Variants in ADAMTS2 observed in about 807,000 individuals in gnomAD.
ADAMTS2 encodes ADAM metallopeptidase with thrombospondin type 1 motif 2, also known as A disintegrin and metalloproteinase with thrombospondin motifs 2.
In ADAMTS2, 50 loss-of-function variants were observed where a neutral mutation model predicts 123.0. That is an observed-to-expected ratio of 0.41 (90% CI 0.32 to 0.51). ADAMTS2 has a LOEUF of 0.51. Among genes scored for constraint, ADAMTS2 ranks in the 20% least tolerant of loss-of-function variants. The pLI, the probability that ADAMTS2 is intolerant of heterozygous loss-of-function variation, is 0.35. For synonymous variants in ADAMTS2, 678 were observed against 695.4 expected, an observed-to-expected ratio of 0.98 and a Z score of 0.39; for missense variants, 1,494 against 1,705.2, an observed-to-expected ratio of 0.88 and a Z score of 2.18.
chr5:179,269,569 C>A (rs1207340668), intron 3 of ADAMTS2, among the ~76,000 whole-genome samples: 1 of 152,152 alleles, frequency 6.6e-6, no homozygotes, highest in African/African-American at 2.4e-5. Context: ...ATGATTCAAT[C>A]ATCTCTCACT....
chr5:179,178,381 G>C (rs1763976674), intron 5 of ADAMTS2, among the ~76,000 whole-genome samples: 1 of 152,206 alleles, frequency 6.6e-6, no homozygotes, highest in Admixed American at 6.5e-5. Context: ...GGGATAGAGG[G>C]CTCAGCGAGC....
intron 21 of ADAMTS2, among the ~76,000 whole-genome samples, chr5:179,116,124 G>A (rs368901894): frequency 1.8e-4 from 27 of 152,112 alleles, no homozygotes; most frequent in African/African-American, 5.1e-4. Context: ...GTTCCTCCCC[G>A]TCTCCCACCT....
intron 13 of ADAMTS2, among the ~76,000 whole-genome samples, chr5:179,133,622 C>T (rs947163877): frequency 6.6e-5 from 10 of 151,970 alleles, no homozygotes; most frequent in African/African-American, 2.4e-4. Flanking sequence ...ATTTTTTGAC[C>T]CAGTATTAGG....
In ADAMTS2 at chr5:179,207,290, T is replaced by A. The variant is rs79731813; in HGVS notation, c.891+223A>T. ...TAGCCTGTGAAGAGCCTCACCAAGT[T>A]ACCATCACCCACGATGTGCAGACGA... On this transcript the variant is annotated intron_variant, in intron 4 of 21. Coordinates refer to ENST00000251582, the MANE Select transcript of ADAMTS2 (RefSeq NM_014244.5). Among the ~76,000 whole-genome samples, 12 of 152,306 alleles carry A rather than the reference T, an allele frequency of 7.9e-5. 1 individual carries two copies. The East Asian group carries it at 2.1e-3, about 27-fold the overall frequency.
intron 11 of ADAMTS2, among the ~76,000 whole-genome samples, chr5:179,139,189 C>A (rs564775060): frequency 1.3e-5 from 2 of 152,082 alleles, no homozygotes; most frequent in Admixed American, 6.5e-5. Context: ...GCCAGCCCCC[C>A]CGGGACACTC....
intron 2 of ADAMTS2, among the ~76,000 whole-genome samples, chr5:179,298,045 C>G (rs1293917807): frequency 2.0e-5 from 3 of 152,136 alleles, no homozygotes; most frequent in Non-Finnish European, 4.4e-5. Context: ...CTCTCTCTGG[C>G]CGCCCCCAGC....
chr5:179,282,036 GA>G (rs754400867), intron 2 of ADAMTS2, among the ~76,000 whole-genome samples: 1 of 152,020 alleles, frequency 6.6e-6, no homozygotes, highest in Non-Finnish European at 1.5e-5. Flanking sequence ...ATATATTCTA[GA>G]CACAAATCCC....
chr5:179,155,865 T>C lies in ADAMTS2; in HGVS notation c.1133-946A>G, dbSNP rs1763458825. ...CCTGCCATGCCCCACTGAGAGACCCTGAGGCCACGCGTTCCACAGAGAAGG... is the reference window on the plus strand; with the variant it reads ...CCTGCCATGCCCCACTGAGAGACCCCGAGGCCACGCGTTCCACAGAGAAGG... On this transcript the variant is annotated intron_variant, in intron 6 of 21. Transcript: ENST00000251582. This position sits in a 1 kb window ranked among gnomAD's most constrained non-coding sequence, Gnocchi z 5.1. 6.6e-6 allele frequency among the ~76,000 whole-genome samples: 1 copy of C among 152,040 alleles called. No individual in the cohort carries two copies. Among genetic ancestry groups the C allele is most frequent in the Non-Finnish European group, 1.5e-5 (1 of 67,996 alleles).
Position 179,128,228 on chromosome 5 carries a change from G to T in ADAMTS2, c.2458-110C>A. On this transcript the variant is annotated intron_variant, in intron 16 of 21. Coordinates refer to ENST00000251582, the MANE Select transcript of ADAMTS2 (RefSeq NM_014244.5). This position sits in a 1 kb window ranked among gnomAD's most constrained non-coding sequence, Gnocchi z 4.9. Reference sequence around the variant, plus strand: ...ACTCCAGAGGAGTCTCATCATTCATGGCAGTTACATTCCATGAAGTCGCCC... The same window carrying T: ...ACTCCAGAGGAGTCTCATCATTCATTGCAGTTACATTCCATGAAGTCGCCC... The T allele has an allele frequency of 7.3e-7, 1 of 1,373,302 alleles. No homozygotes were observed. The allele number at this position is 1,373,302 out of a possible 1,614,324, so 85.1% of individuals were successfully genotyped here.
At position 179,136,038 on chromosome 5, in the gene ADAMTS2, C is replaced by T. The variant is rs368354498; in HGVS notation, c.1956G>A (p.Lys652=). ...HWLPHEHRDA[K]ERCHLYCESR... ...ACTCGCAGTACAGGTGGCATCTCTC[C>T]TTGGCTGGAAGGGAAGCAGCTGGGG... Residue 652 remains lysine, a synonymous_variant, in exon 13 of 22, where the codon AAG becomes AAA. Coordinates refer to ENST00000251582, the MANE Select transcript of ADAMTS2 (RefSeq NM_014244.5). 8.7e-6 allele frequency: 14 copies of T among 1,613,268 alleles called. No individual in the cohort carries two copies. The highest frequency in any genetic ancestry group is 1.2e-5 in the Non-Finnish European group (14 of 1,180,026).
Position 179,170,010 on chromosome 5 carries a change from A to C in ADAMTS2, c.975+11062T>G, listed in dbSNP as rs1763783119. ...GAGTAGCTTTGGTACCTTCTCAAAA[A>C]ATCAATTGAAAAGCCAGTTGCTATG... is the stretch of plus-strand genomic sequence containing the variant. On this transcript the variant is annotated intron_variant, in intron 5 of 21. Coordinates refer to ENST00000251582, the MANE Select transcript of ADAMTS2 (RefSeq NM_014244.5). The surrounding 1 kb of genome is among the most constrained non-coding windows in gnomAD (Gnocchi z 4.3). Among the ~76,000 whole-genome samples the C allele has an allele frequency of 6.6e-6, 1 of 152,220 alleles. No homozygotes were observed. Among genetic ancestry groups the C allele is most frequent in the Non-Finnish European group, 1.5e-5 (1 of 68,040 alleles).
At chr5:179,199,891 T>C (rs537516692) in intron 4 of ADAMTS2, among the ~76,000 whole-genome samples, 60 of 152,294 alleles carry the variant, frequency 3.9e-4, no homozygotes, top group Non-Finnish European at 7.8e-4. Flanking sequence ...GAATAAGAAA[T>C]TCATGCTAAT....
intron 3 of ADAMTS2, among the ~76,000 whole-genome samples, chr5:179,255,837 C>T (rs1293550028): frequency 6.6e-6 from 1 of 152,234 alleles, no homozygotes; most frequent in Non-Finnish European, 1.5e-5. Context: ...GGATCAGGGG[C>T]TCTGCAGCAG....
In ADAMTS2 at chr5:179,135,892, G is replaced by T; in HGVS notation, c.2085+17C>A. ...ACTTGACACGGTAGCCCCCCGTGCCGGCCTCTGTGTACTCACCCTGCAGTC... is the reference window on the plus strand; with the variant it reads ...ACTTGACACGGTAGCCCCCCGTGCCTGCCTCTGTGTACTCACCCTGCAGTC... On this transcript the variant is annotated intron_variant, in intron 13 of 21. Transcript: ENST00000251582. The T allele has an allele frequency of 1.5e-5, 24 of 1,612,750 alleles. No homozygotes were observed. Among genetic ancestry groups the T allele is most frequent in the Non-Finnish European group, 2.0e-5 (24 of 1,179,970 alleles).
At position 179,181,335 on chromosome 5, in the gene ADAMTS2, G is replaced by A. The variant is rs1046466391; in HGVS notation, c.892-180C>T. On this transcript the variant is annotated intron_variant, in intron 4 of 21. Transcript: ENST00000251582. The surrounding 1 kb of genome is among the most constrained non-coding windows in gnomAD (Gnocchi z 4.1). ...TTGCCCCCTGCCCTCTGCCTCTCCA[G>A]GCTGCCACCACCACCTGCTGGGATC... 6.6e-6 allele frequency among the ~76,000 whole-genome samples: 1 copy of A among 152,070 alleles called. No individual in the cohort carries two copies. The highest frequency in any genetic ancestry group is 1.5e-5 in the Non-Finnish European group (1 of 68,008).
chr5:179,279,432 T>TC (rs555888695), intron 2 of ADAMTS2, among the ~76,000 whole-genome samples: 11 of 152,222 alleles, frequency 7.2e-5, no homozygotes, highest in Non-Finnish European at 1.5e-4. Context: ...AGATTCTTTC[T>TC]CCCCATCTTC....
rs766939294 is a variant in ADAMTS2, at chr5:179,125,014, C to T, written c.2917G>A (p.Glu973Lys). 8 of 1,606,818 alleles carry T rather than the reference C, an allele frequency of 5.0e-6. No individual in the cohort carries two copies. Among genetic ancestry groups the T allele is most frequent in the East Asian group, 4.5e-5 (2 of 44,344 alleles). Residue 973 changes from glutamate (E) to lysine (K), a missense_variant, in exon 19 of 22, where the codon GAG (glutamate) becomes AAG (lysine). By Grantham distance (56) the Glu-to-Lys change is moderately conservative (BLOSUM62 1). Transcript: ENST00000251582. ...GCTCGCCAACGACCAGGGCAGAGCTCGCGGCTGCAGGCCCGGCGGCTCTCG... is the reference window on the plus strand; with the variant it reads ...GCTCGCCAACGACCAGGGCAGAGCTTGCGGCTGCAGGCCCGGCGGCTCTCG... ...RPESRRACSR[E>K]LCPGRWRAGP...
At chr5:179,326,335 G>A (rs538801542) in intron 2 of ADAMTS2, among the ~76,000 whole-genome samples, 29 of 151,834 alleles carry the variant, frequency 1.9e-4, no homozygotes, top group South Asian at 1.5e-3. Context: ...TGATGTCAGC[G>A]GCTCCTGGCC....
intron 2 of ADAMTS2, among the ~76,000 whole-genome samples, chr5:179,275,190 T>C (rs1463427810): frequency 1.3e-5 from 2 of 151,706 alleles, no homozygotes; most frequent in African/African-American, 4.8e-5. Flanking sequence ...GCAGGGGGAA[T>C]GGGCTGCGGA....
Sources: allele counts gnomAD v4.1 joint callset (sites outside exome capture counted in the v4.1 genomes callset), GRCh38; gene constraint gnomAD v4.1.1; non-coding constraint Gnocchi (gnomAD v3.1); transcripts MANE v1.5; gene names NCBI Gene and HGNC (gene_info 2026-07-23, HGNC 2026-07-21).